MYO10: variants seen among roughly 807,000 people sequenced by gnomAD.
The protein encoded by MYO10 is unconventional myosin-X.
In MYO10, 133 loss-of-function variants were observed where a neutral mutation model predicts 257.3. The ratio of observed to expected loss-of-function variants is 0.52; its 90% confidence interval spans 0.45 to 0.60. The LOEUF (loss-of-function observed/expected upper bound fraction) is 0.60, where lower values mean the gene tolerates loss of function less well. Ranked by LOEUF, MYO10 falls within the 20% of genes least tolerant of loss-of-function variation. The pLI is 0.00. For synonymous variants in MYO10, 1,104 were observed against 1,028.6 expected (o/e 1.07, Z -1.40); for missense variants, 2,399 against 2,635.7 (o/e 0.91, Z 1.97).
chr5:16,778,785 G>A (rs1741311406), intron 9 of MYO10, among the ~76,000 whole-genome samples: 1 of 149,664 alleles, frequency 6.7e-6, no homozygotes, highest in Non-Finnish European at 1.5e-5. Context: ...CCGCCTCCCG[G>A]GTTCACGCCA....
At chr5:16,894,307 T>G (rs1745160442) in intron 1 of MYO10, among the ~76,000 whole-genome samples, 2 of 152,190 alleles carry the variant, frequency 1.3e-5, no homozygotes, top group South Asian at 4.1e-4. Flanking sequence ...TCAGGTATTC[T>G]GTGAAACATC....
rs1449001753 is a variant in MYO10 at position 16,768,965 on chromosome 5, C to T, written c.1060+109G>A. 6.9e-5 allele frequency: 94 copies of T among 1,353,686 alleles called. No individual in the cohort carries two copies. In the Middle Eastern group the frequency reaches 1.3e-3, roughly 19 times the overall value. The allele number at this position is 1,353,686 out of a possible 1,614,324, so 83.9% of individuals were successfully genotyped here. On this transcript the variant is annotated intron_variant, in intron 10 of 40. Coordinates refer to ENST00000513610, the MANE Select transcript of MYO10 (RefSeq NM_012334.3). ...TGCTGGGGTTACAGGCAAGAGCCAC[C>T]GCACCTGGCCAGAATTTTCTTTCTG...
At chr5:16,839,294 G>T (rs1743400862) in intron 2 of MYO10, among the ~76,000 whole-genome samples, 1 of 152,154 alleles carries the variant, frequency 6.6e-6, no homozygotes, top group African/African-American at 2.4e-5. Context: ...AGATTAGGAG[G>T]AGTCTGGAAG....
chr5:16,750,589 T>C (rs1051320214), intron 19 of MYO10, among the ~76,000 whole-genome samples: 11 of 152,184 alleles, frequency 7.2e-5, no homozygotes, highest in African/African-American at 2.7e-4. Flanking sequence ...TCTTTATGCC[T>C]GAAGGCACAA....
At chr5:16,798,531 A>G (rs253341) in intron 3 of MYO10, among the ~76,000 whole-genome samples, 2,029 of 152,142 alleles carry the variant, frequency 0.013, 46 homozygotes, top group African/African-American at 0.047. Context: ...ATCCTCCATC[A>G]GTGCCTGGAC....
chr5:16,851,084 G>A (rs1743789888), intron 2 of MYO10, among the ~76,000 whole-genome samples: 2 of 152,118 alleles, frequency 1.3e-5, no homozygotes, highest in South Asian at 4.1e-4. Flanking sequence ...GATTACAGGT[G>A]TGAGCCACCA....
chr5:16,913,174 G>A lies in MYO10; in HGVS notation c.21+22614C>T, dbSNP rs367575180. On this transcript the variant is annotated intron_variant, in intron 1 of 40. Transcript: ENST00000513610. ...TCACTTCCAAGATTAGGTTATAGAG[G>A]AAAAAAAAATCATGCTTGGCATTTA... Among the ~76,000 whole-genome samples the A allele has an allele frequency of 6.6e-5, 10 of 150,994 alleles. No individual in the cohort carries two copies. The South Asian group carries it at 1.3e-3, about 19-fold the overall frequency.
At chr5:16,710,084 A>C (rs1388913462) in intron 21 of MYO10, among the ~76,000 whole-genome samples, 1 of 152,186 alleles carries the variant, frequency 6.6e-6, no homozygotes, top group African/African-American at 2.4e-5. Context: ...TATGAGTGGA[A>C]GCTTTAAAAT....
In MYO10 at chr5:16,763,717, G is replaced by A. The variant is rs370333956; in HGVS notation, c.1365C>T (p.Asn455=). The stretch of plus-strand genomic sequence containing the variant: ...TGTTGAAGTACTCCTGAAGTTTCTC[G>A]TTTGCATAGTTTATATTGAACTGTT... The part of the protein sequence containing the change: ...HFEQFNINYA[N]EKLQEYFNKH... Residue 455 remains asparagine (N), a synonymous_variant, in exon 13 of 41, where the codon AAC becomes AAT. Coordinates refer to ENST00000513610, the MANE Select transcript of MYO10 (RefSeq NM_012334.3). The A allele has an allele frequency of 3.4e-5, 55 of 1,608,108 alleles. No homozygotes were observed. The highest frequency in any genetic ancestry group is 8.4e-5 in the Admixed American group (5 of 59,624).
chr5:16,771,290 G>A (rs1322133890), intron 9 of MYO10, among the ~76,000 whole-genome samples: 1 of 151,954 alleles, frequency 6.6e-6, no homozygotes, highest in Non-Finnish European at 1.5e-5. Context: ...ATTTCAGAAT[G>A]ACAAAGATTA....
chr5:16,848,435 T>C (rs62370983), intron 2 of MYO10, among the ~76,000 whole-genome samples: 28,518 of 152,020 alleles, frequency 0.19, 2,808 homozygotes, highest in East Asian at 0.27. Context: ...GCTGGGATTA[T>C]AGCCATGAGC....
intron 1 of MYO10, among the ~76,000 whole-genome samples, chr5:16,887,848 C>A (rs1744936423): frequency 6.6e-6 from 1 of 152,098 alleles, no homozygotes; most frequent in African/African-American, 2.4e-5. Context: ...CCTTAAAACA[C>A]CTTTTCAGTT....
chr5:16,924,248 G>C (rs566811363), intron 1 of MYO10, among the ~76,000 whole-genome samples: 1 of 152,248 alleles, frequency 6.6e-6, no homozygotes, highest in East Asian at 1.9e-4. Context: ...TGAATCAAGA[G>C]CCTTGTTTGC....
intron 19 of MYO10, among the ~76,000 whole-genome samples, chr5:16,744,054 C>A (rs998289411): frequency 3.3e-5 from 5 of 152,056 alleles, no homozygotes; most frequent in African/African-American, 1.2e-4. Flanking sequence ...ATGTCCATCC[C>A]GTGACAATGC....
At position 16,764,445 on chromosome 5, in the gene MYO10, A is replaced by G. The variant is rs755733861; in HGVS notation, c.1180-49T>C. On this transcript the variant is annotated intron_variant, in intron 11 of 40. Coordinates refer to ENST00000513610, the MANE Select transcript of MYO10 (RefSeq NM_012334.3). ...ACTCAGCTGACCCCGGGCACCCCAGACAGGCAAGGCCATCCATTCCCCACT... is the reference window on the plus strand; with the variant it reads ...ACTCAGCTGACCCCGGGCACCCCAGGCAGGCAAGGCCATCCATTCCCCACT... 2.5e-6 allele frequency: 4 copies of G among 1,605,074 alleles called. No individual in the cohort carries two copies. The African/African-American group carries it at 5.4e-5, about 21-fold the overall frequency.
chr5:16,899,459 A>AC (rs1300467101), intron 1 of MYO10, among the ~76,000 whole-genome samples: 1 of 151,444 alleles, frequency 6.6e-6, no homozygotes, highest in East Asian at 2.0e-4. Context: ...ACATGGTGAA[A>AC]CCCCCGTCTC....
intron 2 of MYO10, among the ~76,000 whole-genome samples, chr5:16,825,018 G>T (rs116385399): frequency 2.2e-3 from 341 of 152,186 alleles, no homozygotes; most frequent in African/African-American, 7.7e-3. Context: ...AGGAGGAGGA[G>T]GATTTCTAGG....
At chr5:16,819,781 C>G (rs1742742373) in intron 2 of MYO10, among the ~76,000 whole-genome samples, 1 of 152,146 alleles carries the variant, frequency 6.6e-6, no homozygotes, top group South Asian at 2.1e-4. Context: ...AAGTACCAAT[C>G]CAATGGTTTT....
Position 16,760,620 on chromosome 5 carries a change from T to C in MYO10, c.1739+844A>G, listed in dbSNP as rs1740682031. On this transcript the variant is annotated intron_variant, in intron 17 of 40. Coordinates refer to ENST00000513610, the MANE Select transcript of MYO10 (RefSeq NM_012334.3). ...AATAAATGAATATGTAATAAATTTA[T>C]AATTATAGCTGAATTAAGGCATTTA... Among the ~76,000 whole-genome samples, 4 of 152,200 alleles carry C rather than the reference T, an allele frequency of 2.6e-5. No homozygotes were observed. The South Asian group carries it at 8.3e-4, about 32-fold the overall frequency.
Sources: allele counts gnomAD v4.1 joint callset (sites outside exome capture counted in the v4.1 genomes callset), GRCh38; gene constraint gnomAD v4.1.1; transcripts MANE v1.5; gene names NCBI Gene and HGNC (gene_info 2026-07-23, HGNC 2026-07-21).